GRIN2B: variants seen among roughly 807,000 people sequenced by gnomAD.
The protein encoded by GRIN2B is glutamate receptor ionotropic, NMDA 2B.
Under a neutral mutation model 114.5 loss-of-function variants are expected in GRIN2B, and 5 were observed. The observed-to-expected ratio is 0.04, with a 90% CI of 0.02 to 0.09. The LOEUF (loss-of-function observed/expected upper bound fraction) is 0.09. Among genes scored for constraint, GRIN2B ranks in the 10% least tolerant of loss-of-function variants. The probability of loss-of-function intolerance (pLI) is 1.00; values close to 1 mark genes in which losing one functional copy is unlikely to be tolerated. For missense variants in GRIN2B, 1,108 were observed against 1,943.5 expected (o/e 0.57, Z 8.08); for synonymous variants, 787 against 745.1 (o/e 1.06, Z -0.92).
intron 4 of GRIN2B, among the ~76,000 whole-genome samples, chr12:13,716,884 T>C (rs888731998): frequency 7.9e-5 from 12 of 151,896 alleles, no homozygotes; most frequent in African/African-American, 2.9e-4. Context: ...GTGACTACCC[T>C]GATGTGACTA....
intron 3 of GRIN2B, among the ~76,000 whole-genome samples, chr12:13,846,813 C>T (rs550790567): frequency 2.0e-5 from 3 of 151,742 alleles, no homozygotes; most frequent in South Asian, 2.1e-4. Flanking sequence ...GGTTAAGAGT[C>T]GGGAAAATGG....
chr12:13,607,144 C>A (rs1337147394), intron 10 of GRIN2B, among the ~76,000 whole-genome samples: 272 of 87,382 alleles, frequency 3.1e-3, no homozygotes, highest in Non-Finnish European at 4.6e-3. Flanking sequence ...ACCATGCACT[C>A]AAAAAAAATA....
At chr12:13,808,893 C>A (rs1013253341) in intron 3 of GRIN2B, among the ~76,000 whole-genome samples, 1 of 151,564 alleles carries the variant, frequency 6.6e-6, no homozygotes, top group South Asian at 2.1e-4. Flanking sequence ...AAAACAAAAC[C>A]AAACCAAAAA....
rs17833674 is a variant in GRIN2B, at chr12:13,683,125, T to C, written c.1011-7266A>G. On this transcript the variant is annotated intron_variant, in intron 4 of 13. Coordinates refer to ENST00000609686, the MANE Select transcript of GRIN2B (RefSeq NM_000834.5). ...GCTAGGGAACAATGCTCTCTAGACT[T>C]ACCTACGGGTCCATCTGGGATGAAA... 8.0e-3 allele frequency among the ~76,000 whole-genome samples: 1,214 copies of C among 152,228 alleles called. 13 individuals carry two copies. The highest frequency in any genetic ancestry group is 0.014 in the Middle Eastern group (4 of 294).
intron 2 of GRIN2B, among the ~76,000 whole-genome samples, chr12:13,944,870 A>G (rs1867334682): frequency 6.6e-6 from 1 of 152,192 alleles, no homozygotes; most frequent in Admixed American, 6.5e-5. Flanking sequence ...GAAATGTGGA[A>G]GTTCCCAGCT....
chr12:13,916,743 G>GTGTGTGTGTGTA, intron 2 of GRIN2B, among the ~76,000 whole-genome samples: 1 of 147,174 alleles, frequency 6.8e-6, no homozygotes, highest in African/African-American at 2.5e-5. Context: ...ACATTTGTGT[G>GTGTGTGTGTGTA]TGTGTGTGTG....
At chr12:13,850,743 G>C (rs1160658771) in intron 3 of GRIN2B, among the ~76,000 whole-genome samples, 2 of 152,180 alleles carry the variant, frequency 1.3e-5, no homozygotes, top group Non-Finnish European at 2.9e-5. Context: ...CTAAATGCTT[G>C]ATGTCCCAGG....
At chr12:13,963,523 A>G (rs908472263) in intron 2 of GRIN2B, among the ~76,000 whole-genome samples, 13 of 152,172 alleles carry the variant, frequency 8.5e-5, no homozygotes, top group African/African-American at 3.1e-4. Context: ...CTCACAGGAT[A>G]TGGACAAGAG....
chr12:13,970,915 C>T (rs1284374915), intron 2 of GRIN2B, among the ~76,000 whole-genome samples: 1 of 152,086 alleles, frequency 6.6e-6, no homozygotes, highest in African/African-American at 2.4e-5. Context: ...TTCTCCATTC[C>T]CCCTCAAGCT....
chr12:13,835,801 C>T (rs1369912483), intron 3 of GRIN2B, among the ~76,000 whole-genome samples: 1 of 146,402 alleles, frequency 6.8e-6, no homozygotes, highest in African/African-American at 2.5e-5. Context: ...AAAAAGAAAG[C>T]CAGCAGGAAT....
intron 2 of GRIN2B, among the ~76,000 whole-genome samples, chr12:13,943,790 C>G (rs1867309795): frequency 6.6e-6 from 1 of 152,118 alleles, no homozygotes; most frequent in Admixed American, 6.5e-5. Context: ...ACTGTCTAGC[C>G]CCTCACCTAT....
At chr12:13,924,341 A>G (rs1866879154) in intron 2 of GRIN2B, among the ~76,000 whole-genome samples, 1 of 152,224 alleles carries the variant, frequency 6.6e-6, no homozygotes, top group Admixed American at 6.5e-5. Flanking sequence ...AAGGGAACCA[A>G]CAAGGACTGG....
Position 13,551,735 on chromosome 12 carries a change from G to A in GRIN2B, c.*11048C>T, listed in dbSNP as rs1357765854. The stretch of plus-strand genomic sequence containing the variant: ...AAATTCTGTGTAGTTGTGCTGTTCA[G>A]GTGAATATCTGAGAGCAAAGTATAA... On this transcript the variant is annotated 3_prime_UTR_variant, in exon 14 of 14. Coordinates refer to ENST00000609686, the MANE Select transcript of GRIN2B (RefSeq NM_000834.5). 1 of 152,170 alleles carries A rather than the reference G, an allele frequency of 6.6e-6. No homozygotes were observed. The highest frequency in any genetic ancestry group is 1.5e-5 in the Non-Finnish European group (1 of 68,032). The allele number at this position is 152,170 out of a possible 1,614,324, so 9.4% of individuals were successfully genotyped here.
In GRIN2B at chr12:13,550,602, T is replaced by A. The variant is rs541778241; in HGVS notation, c.*12181A>T. 1.2e-3 allele frequency: 188 copies of A among 152,262 alleles called. 6 individuals are homozygous for A. Among genetic ancestry groups the A allele is most frequent in the Admixed American group, 0.012 (186 of 15,302 alleles). 9.4% of individuals were successfully genotyped at this position (152,262 alleles called of 1,614,324 possible). A position where few individuals can be genotyped will look rare whatever the true frequency, so the allele number is the denominator to read the frequency against. On this transcript the variant is annotated 3_prime_UTR_variant, in exon 14 of 14. Transcript: ENST00000609686. Reference sequence around the variant, plus strand: ...CATCAACAGGACCTTATGGATTCCATCAGGTCAAATAGGACAGTTAGCAGG... The same window carrying A: ...CATCAACAGGACCTTATGGATTCCAACAGGTCAAATAGGACAGTTAGCAGG...
At chr12:13,664,038 G>C (rs775140489) in intron 5 of GRIN2B, among the ~76,000 whole-genome samples, 10 of 152,092 alleles carry the variant, frequency 6.6e-5, no homozygotes, top group Non-Finnish European at 1.3e-4. Context: ...CACAGAAAGG[G>C]GGAATAATAT....
At chr12:13,657,322 C>G (rs1949875619) in intron 5 of GRIN2B, among the ~76,000 whole-genome samples, 1 of 152,154 alleles carries the variant, frequency 6.6e-6, no homozygotes, top group Non-Finnish European at 1.5e-5. Context: ...GTTCTAAAAG[C>G]TGCTAGAGCT....
intron 2 of GRIN2B, among the ~76,000 whole-genome samples, chr12:13,979,423 C>A (rs1863090565): frequency 6.7e-6 from 1 of 149,640 alleles, no homozygotes; most frequent in Non-Finnish European, 1.5e-5. Flanking sequence ...TAATCTCAAT[C>A]ATTATTTTTA....
In GRIN2B at chr12:13,553,538, T is replaced by A. The variant is rs1458862191; in HGVS notation, c.*9245A>T. 2 of 152,138 alleles carry A rather than the reference T, an allele frequency of 1.3e-5. No individual in the cohort carries two copies. The highest frequency in any genetic ancestry group is 4.8e-5 in the African/African-American group (2 of 41,422). 9.4% of individuals were successfully genotyped at this position (152,138 alleles called of 1,614,324 possible). The stretch of plus-strand genomic sequence containing the variant: ...ACAAGGTGGTGACCAGCACAGACAG[T>A]TCCCCCAAGGCCACAAATGTGGAAG... On this transcript the variant is annotated 3_prime_UTR_variant, in exon 14 of 14. Coordinates refer to ENST00000609686, the MANE Select transcript of GRIN2B (RefSeq NM_000834.5).
intron 4 of GRIN2B, among the ~76,000 whole-genome samples, chr12:13,702,593 G>A (rs944238929): frequency 6.0e-5 from 8 of 133,042 alleles, no homozygotes; most frequent in East Asian, 5.4e-4. Flanking sequence ...CCATTAATCC[G>A]CCCTCCGGGG....
Sources: gnomAD v4.1 joint callset for allele counts (sites outside exome capture counted in the v4.1 genomes callset) on GRCh38, gnomAD v4.1.1 for gene constraint, MANE v1.5 for transcripts, NCBI Gene and HGNC (gene_info 2026-07-23, HGNC 2026-07-21) for gene names.